The following PLXDC2 variants were observed in gnomAD, a reference collection of about 807,000 sequenced individuals.
PLXDC2 encodes the protein plexin domain-containing protein 2.
In PLXDC2, 40 loss-of-function variants were observed where a neutral mutation model predicts 68.9. The ratio of observed to expected loss-of-function variants is 0.58; its 90% CI spans 0.45 to 0.76. The LOEUF (loss-of-function observed/expected upper bound fraction) is 0.76, where lower values mean the gene tolerates loss of function less well. PLXDC2 is among the 30% of genes least tolerant of loss of function. The pLI is 0.00. For missense variants in PLXDC2, 644 were observed against 661.9 expected (o/e 0.97, Z 0.30); for synonymous variants, 243 against 234.2 (o/e 1.04, Z -0.34).
At chr10:19,997,059 A>G (rs1374015450) in intron 1 of PLXDC2, among the ~76,000 whole-genome samples, 1 of 152,202 alleles carries the variant, frequency 6.6e-6, no homozygotes, top group African/African-American at 2.4e-5. Context: ...AGTTCAACCT[A>G]GGAGACACAA....
chr10:19,823,597 C>T (rs1042292425), intron 1 of PLXDC2, among the ~76,000 whole-genome samples: 2 of 151,652 alleles, frequency 1.3e-5, no homozygotes, highest in Non-Finnish European at 2.9e-5. Flanking sequence ...GCAGGAGAAT[C>T]GCTTGACCCG....
chr10:19,824,164 G>C (rs1836530814), intron 1 of PLXDC2, among the ~76,000 whole-genome samples: 1 of 152,132 alleles, frequency 6.6e-6, no homozygotes, highest in African/African-American at 2.4e-5. Flanking sequence ...GAGACCTTAT[G>C]TTTCAATAAC....
intron 1 of PLXDC2, among the ~76,000 whole-genome samples, chr10:19,989,970 A>AG (rs1834719084): frequency 6.6e-6 from 1 of 151,994 alleles, no homozygotes; most frequent in Non-Finnish European, 1.5e-5. Context: ...GGCTGTTCTC[A>AG]AACTCCTGAC....
intron 1 of PLXDC2, among the ~76,000 whole-genome samples, chr10:19,999,594 T>C (rs555915005): frequency 1.3e-5 from 2 of 152,270 alleles, no homozygotes; most frequent in Non-Finnish European, 2.9e-5. Flanking sequence ...CCTACATGAC[T>C]CTTTGTGTTT....
chr10:20,082,383 G>A (rs1006814584), intron 4 of PLXDC2, among the ~76,000 whole-genome samples: 1 of 151,910 alleles, frequency 6.6e-6, no homozygotes, highest in African/African-American at 2.4e-5. Flanking sequence ...GGCCTATACT[G>A]TCTTTGCAAC....
intron 1 of PLXDC2, among the ~76,000 whole-genome samples, chr10:19,925,309 G>A (rs539796545): frequency 4.0e-4 from 61 of 152,330 alleles, no homozygotes; most frequent in African/African-American, 1.4e-3. Flanking sequence ...CAATTCTGCT[G>A]TAAGTGGGCC....
intron 1 of PLXDC2, among the ~76,000 whole-genome samples, chr10:19,855,447 T>C (rs1283466420): frequency 1.3e-5 from 2 of 152,198 alleles, no homozygotes; most frequent in East Asian, 3.9e-4. Context: ...AGGCAATTTA[T>C]TTGAACTGTC....
At chr10:19,825,452 G>T (rs1350308381) in intron 1 of PLXDC2, among the ~76,000 whole-genome samples, 4 of 152,154 alleles carry the variant, frequency 2.6e-5, no homozygotes, top group Non-Finnish European at 5.9e-5. Context: ...TGCTTGGTAA[G>T]TACACTCTGG....
chr10:20,122,625 A>T (rs966053981), intron 4 of PLXDC2, among the ~76,000 whole-genome samples: 1 of 152,326 alleles, frequency 6.6e-6, no homozygotes, highest in East Asian at 1.9e-4. Flanking sequence ...ACTTGTAGCA[A>T]GCTCCTGGGG....
chr10:20,112,063 G>A (rs1045029364), intron 4 of PLXDC2, among the ~76,000 whole-genome samples: 2 of 152,080 alleles, frequency 1.3e-5, no homozygotes, highest in East Asian at 1.9e-4. Flanking sequence ...CATATACCAT[G>A]TGAGGACACA....
chr10:19,866,751 G>T (rs1361737954), intron 1 of PLXDC2, among the ~76,000 whole-genome samples: 1 of 152,172 alleles, frequency 6.6e-6, no homozygotes, highest in Non-Finnish European at 1.5e-5. Flanking sequence ...AAGAGGCAAA[G>T]AATTGAAAGG....
At chr10:20,010,653 A>G (rs1835097422) in intron 2 of PLXDC2, among the ~76,000 whole-genome samples, 1 of 152,240 alleles carries the variant, frequency 6.6e-6, no homozygotes. Flanking sequence ...TTAGAATGAT[A>G]CATGCAGGTT....
chr10:19,919,764 G>T (rs1833428177), intron 1 of PLXDC2, among the ~76,000 whole-genome samples: 1 of 152,154 alleles, frequency 6.6e-6, no homozygotes, highest in Admixed American at 6.5e-5. Context: ...GTCATGGTGT[G>T]TTCAAACTCT....
intron 12 of PLXDC2, among the ~76,000 whole-genome samples, chr10:20,221,366 C>T (rs1320822783): frequency 6.6e-6 from 1 of 152,162 alleles, no homozygotes; most frequent in African/African-American, 2.4e-5. Context: ...TTTTGGTATA[C>T]TAGAGAGTCA....
intron 12 of PLXDC2, among the ~76,000 whole-genome samples, chr10:20,234,455 T>C (rs1226471838): frequency 2.0e-5 from 3 of 152,188 alleles, no homozygotes; most frequent in Non-Finnish European, 2.9e-5. Context: ...ATTCTGTCCA[T>C]GTTAAAGGCA....
At chr10:19,928,453 A>G (rs1182513511) in intron 1 of PLXDC2, among the ~76,000 whole-genome samples, 1 of 152,194 alleles carries the variant, frequency 6.6e-6, no homozygotes, top group Non-Finnish European at 1.5e-5. Flanking sequence ...TAAGGCTTTT[A>G]CAAATATACC....
chr10:20,052,408 T>G (rs2131689320), intron 3 of PLXDC2, among the ~76,000 whole-genome samples: 1 of 152,092 alleles, frequency 6.6e-6, no homozygotes, highest in East Asian at 1.9e-4. Flanking sequence ...ATTACAAAAT[T>G]TTAATATTAA....
At chr10:19,828,694 G>A (rs1836623326) in intron 1 of PLXDC2, among the ~76,000 whole-genome samples, 1 of 152,134 alleles carries the variant, frequency 6.6e-6, no homozygotes, top group Non-Finnish European at 1.5e-5. Flanking sequence ...AAGCCAGATT[G>A]GTGCAATCTC....
chr10:20,202,268 A>G (rs1315792367), intron 9 of PLXDC2, among the ~76,000 whole-genome samples: 1 of 152,180 alleles, frequency 6.6e-6, no homozygotes, highest in Non-Finnish European at 1.5e-5. Flanking sequence ...CCCCAAACAC[A>G]GTGTTAAATA....
Sources: gnomAD v4.1 joint callset for allele counts (sites outside exome capture counted in the v4.1 genomes callset) on GRCh38, gnomAD v4.1.1 for gene constraint, MANE v1.5 for transcripts, NCBI Gene and HGNC (gene_info 2026-07-23, HGNC 2026-07-21) for gene names.